The following ZCWPW2 variants were observed in gnomAD, a reference collection of about 807,000 sequenced individuals.
ZCWPW2 encodes the protein zinc finger CW-type and PWWP domain containing 2.
Under a neutral mutation model 46.6 loss-of-function variants are expected in ZCWPW2, and 45 were observed. The ratio of observed to expected loss-of-function variants is 0.96; its 90% confidence interval spans 0.76 to 1.24. The LOEUF (loss-of-function observed/expected upper bound fraction) is 1.24, where lower values mean the gene tolerates loss of function less well. Among genes scored for constraint, ZCWPW2 ranks in the 50% most tolerant of loss-of-function variants. The pLI is 0.00. For missense variants in ZCWPW2, 429 were observed against 403.9 expected (o/e 1.06, Z -0.53); for synonymous variants, 152 against 137.1 (o/e 1.11, Z -0.76).
chr3:28,447,690 C>G, intron 4 of ZCWPW2: 1 of 453,860 alleles, frequency 2.2e-6, no homozygotes, highest in East Asian at 3.9e-5. Flanking sequence ...TAAAAGATAT[C>G]TAGCTTCCAC....
chr3:28,404,562 T>C (rs1186338306), intron 2 of ZCWPW2, among the ~76,000 whole-genome samples: 1 of 152,094 alleles, frequency 6.6e-6, no homozygotes, highest in African/African-American at 2.4e-5. Flanking sequence ...ATATGAAAAA[T>C]GTACCTGCAC....
intron 1 of ZCWPW2, among the ~76,000 whole-genome samples, chr3:28,358,734 A>G (rs1284357091): frequency 3.3e-5 from 5 of 152,132 alleles, no homozygotes; most frequent in African/African-American, 1.2e-4. Flanking sequence ...TTTTCTCCAT[A>G]GACCATCCAA....
chr3:28,394,021 G>A (rs1559486230), intron 2 of ZCWPW2, among the ~76,000 whole-genome samples: 1 of 152,096 alleles, frequency 6.6e-6, no homozygotes, highest in Non-Finnish European at 1.5e-5. Flanking sequence ...ATGACATTAT[G>A]TATAGAAAAC....
intron 4 of ZCWPW2, among the ~76,000 whole-genome samples, chr3:28,470,489 T>A (rs1397421877): frequency 7.8e-6 from 1 of 128,726 alleles, no homozygotes; most frequent in African/African-American, 2.9e-5. Context: ...CGAGACTCCG[T>A]CTTAAAAAAA....
At chr3:28,374,549 G>C (rs1194873819) in intron 1 of ZCWPW2, among the ~76,000 whole-genome samples, 1 of 152,108 alleles carries the variant, frequency 6.6e-6, no homozygotes, top group African/African-American at 2.4e-5. Flanking sequence ...TATTGAATTT[G>C]TAGGTTGCTT....
intron 1 of ZCWPW2, among the ~76,000 whole-genome samples, chr3:28,384,895 C>T (rs991482987): frequency 5.9e-5 from 9 of 152,138 alleles, no homozygotes; most frequent in Non-Finnish European, 8.8e-5. Context: ...GGATTACAGG[C>T]GTGAGCCACC....
Position 28,435,219 on chromosome 3 carries a change from A to C in ZCWPW2, c.442A>C (p.Arg148=). 6.2e-7 allele frequency: 1 copy of C among 1,613,448 alleles called. No homozygotes were observed. Among genetic ancestry groups the C allele is most frequent in the Non-Finnish European group, 8.5e-7 (1 of 1,179,910 alleles). ...HIEFLGDPHS[R]SWIKATFVGH... is the part of the protein sequence containing the mutation. ...AGAATTCCTGGGCGATCCCCATTCA[A>C]GATCATGGATAAAGGCAACATTCGT... The change falls in exon 4 of 10, where the codon AGA becomes CGA. Residue 148 remains arginine, a synonymous_variant. Coordinates refer to ENST00000383768, the MANE Select transcript of ZCWPW2 (RefSeq NM_001040432.4).
At chr3:28,452,773 T>C (rs1698275493) in intron 4 of ZCWPW2, among the ~76,000 whole-genome samples, 1 of 152,182 alleles carries the variant, frequency 6.6e-6, no homozygotes, top group Non-Finnish European at 1.5e-5. Context: ...AAATTATCTA[T>C]TTCCTTTCCC....
At chr3:28,380,974 GGTA>G (rs1695049684) in intron 1 of ZCWPW2, among the ~76,000 whole-genome samples, 1 of 2,342 alleles carries the variant, frequency 4.3e-4, no homozygotes, top group Non-Finnish European at 7.1e-4. Flanking sequence ...ATATATATTT[GGTA>G]TATATATATA....
intron 1 of ZCWPW2, among the ~76,000 whole-genome samples, chr3:28,367,132 G>GTC (rs1180571124): frequency 6.6e-6 from 1 of 152,010 alleles, no homozygotes; most frequent in Non-Finnish European, 1.5e-5. Flanking sequence ...GGTTTTTTGT[G>GTC]TCTCTCTTTC....
At position 28,502,769 on chromosome 3, in the gene ZCWPW2, G is replaced by C. The variant is rs552588906; in HGVS notation, c.657+10596G>C. ...TTGCAGTTGTAAGGGGCTGTTCTAAGAAAGTAGAAGTGGAGAGGGGTATAG... is the reference window on the plus strand; with the variant it reads ...TTGCAGTTGTAAGGGGCTGTTCTAACAAAGTAGAAGTGGAGAGGGGTATAG... On this transcript the variant is annotated intron_variant, in intron 6 of 9. Coordinates refer to ENST00000383768, the MANE Select transcript of ZCWPW2 (RefSeq NM_001040432.4). Among the ~76,000 whole-genome samples the C allele has an allele frequency of 3.3e-4, 51 of 152,258 alleles. 1 individual carries two copies. Among genetic ancestry groups the C allele is most frequent in the Admixed American group, 3.1e-3 (47 of 15,276 alleles).
intron 1 of ZCWPW2, among the ~76,000 whole-genome samples, chr3:28,361,434 T>C (rs1704940339): frequency 6.6e-6 from 1 of 152,080 alleles, no homozygotes; most frequent in Non-Finnish European, 1.5e-5. Flanking sequence ...TATAAAACTC[T>C]AGAAGAAAAT....
chr3:28,482,150 G>A (rs2125807511), intron 5 of ZCWPW2, among the ~76,000 whole-genome samples: 1 of 152,148 alleles, frequency 6.6e-6, no homozygotes, highest in African/African-American at 2.4e-5. Context: ...CCAGCTGTTT[G>A]TTTCTACCTC....
chr3:28,359,850 C>T (rs1352152102), intron 1 of ZCWPW2, among the ~76,000 whole-genome samples: 2 of 152,152 alleles, frequency 1.3e-5, no homozygotes, highest in South Asian at 4.1e-4. Flanking sequence ...CTTCTCTTGG[C>T]TAAACTTTTG....
At chr3:28,510,293 A>G (rs1434171117) in intron 6 of ZCWPW2, among the ~76,000 whole-genome samples, 1 of 152,184 alleles carries the variant, frequency 6.6e-6, no homozygotes, top group Non-Finnish European at 1.5e-5. Context: ...AAAGAAGAGT[A>G]TATTGCCCCA....
At chr3:28,360,703 T>C (rs1210939503) in intron 1 of ZCWPW2, among the ~76,000 whole-genome samples, 1 of 151,690 alleles carries the variant, frequency 6.6e-6, no homozygotes, top group African/African-American at 2.4e-5. Flanking sequence ...GGATTTAAAA[T>C]GATTTACATC....
At chr3:28,475,712 G>A (rs1399803976) in intron 4 of ZCWPW2, among the ~76,000 whole-genome samples, 1 of 152,050 alleles carries the variant, frequency 6.6e-6, no homozygotes, top group Non-Finnish European at 1.5e-5. Context: ...CCACATTAGA[G>A]GATTTTTTTC....
chr3:28,388,826 A>G (rs997224061), intron 1 of ZCWPW2, among the ~76,000 whole-genome samples: 4 of 152,130 alleles, frequency 2.6e-5, no homozygotes, highest in African/African-American at 9.7e-5. Flanking sequence ...GTGGGCCATT[A>G]AGTACTCCTG....
At chr3:28,456,240 T>C (rs192751158) in intron 4 of ZCWPW2, among the ~76,000 whole-genome samples, 261 of 152,256 alleles carry the variant, frequency 1.7e-3, no homozygotes, top group Non-Finnish European at 3.1e-3. Context: ...ATTCTTTTTA[T>C]GGCAATTGTG....
Sources: allele counts gnomAD v4.1 joint callset (sites outside exome capture counted in the v4.1 genomes callset), GRCh38; gene constraint gnomAD v4.1.1; transcripts MANE v1.5; gene names NCBI Gene and HGNC (gene_info 2026-07-23, HGNC 2026-07-21).